FSTL5: variants seen among roughly 807,000 people sequenced by gnomAD.
The protein encoded by FSTL5 is follistatin like 5.
Under a neutral mutation model 89.1 loss-of-function variants are expected in FSTL5, and 62 were observed. That is an observed-to-expected ratio of 0.70 (90% confidence interval 0.57 to 0.86). FSTL5 has a LOEUF of 0.86. FSTL5 is among the 40% of genes least tolerant of loss of function. The pLI is 0.00. For missense variants in FSTL5, 1,057 were observed against 1,001.6 expected, an observed-to-expected ratio of 1.06 and a Z score of -0.75; for synonymous variants, 383 against 346.2, an observed-to-expected ratio of 1.11 and a Z score of -1.18.
chr4:161,390,081 C>T (rs1447810854), intron 15 of FSTL5, among the ~76,000 whole-genome samples: 9 of 152,088 alleles, frequency 5.9e-5, no homozygotes, highest in Non-Finnish European at 1.5e-5. Flanking sequence ...ATTGGTTTAT[C>T]ACCAAATATC....
intron 3 of FSTL5, among the ~76,000 whole-genome samples, chr4:162,003,499 A>C (rs1283042197): frequency 6.6e-6 from 1 of 152,328 alleles, no homozygotes; most frequent in Non-Finnish European, 1.5e-5. Context: ...AAGATAGCAC[A>C]GAAAGGAAGA....
chr4:161,977,295 G>A (rs1424834483), intron 3 of FSTL5, among the ~76,000 whole-genome samples: 1 of 152,052 alleles, frequency 6.6e-6, no homozygotes, highest in East Asian at 1.9e-4. Flanking sequence ...TTTATGTTAC[G>A]CATATTTTAC....
At chr4:161,471,628 TGTTA>T (rs1733945201) in intron 13 of FSTL5, among the ~76,000 whole-genome samples, 1 of 152,206 alleles carries the variant, frequency 6.6e-6, no homozygotes, top group South Asian at 2.1e-4. Flanking sequence ...GAAATATTGG[TGTTA>T]GTTCTCTTTG....
chr4:162,095,902 T>C (rs1216609813), intron 2 of FSTL5, among the ~76,000 whole-genome samples: 1 of 151,920 alleles, frequency 6.6e-6, no homozygotes, highest in Non-Finnish European at 1.5e-5. Flanking sequence ...AACAAGTACA[T>C]TAGAAAAATA....
At chr4:161,635,085 T>C (rs1454565468) in intron 7 of FSTL5, among the ~76,000 whole-genome samples, 1 of 152,096 alleles carries the variant, frequency 6.6e-6, no homozygotes, top group African/African-American at 2.4e-5. Flanking sequence ...AGTTTGATTT[T>C]CTCCTAAAAA....
At chr4:162,034,558 T>C (rs1737659798) in intron 2 of FSTL5, among the ~76,000 whole-genome samples, 1 of 152,110 alleles carries the variant, frequency 6.6e-6, no homozygotes, top group Non-Finnish European at 1.5e-5. Context: ...CCAAAAGAAT[T>C]AGCTTGCTTT....
intron 2 of FSTL5, among the ~76,000 whole-genome samples, chr4:162,046,103 C>T (rs1578982867): frequency 6.6e-6 from 1 of 152,104 alleles, no homozygotes; most frequent in Non-Finnish European, 1.5e-5. Flanking sequence ...AGGCTATTGA[C>T]ACACTAAATA....
At chr4:161,649,432 A>G (rs1177238828) in intron 7 of FSTL5, among the ~76,000 whole-genome samples, 1 of 152,178 alleles carries the variant, frequency 6.6e-6, no homozygotes, top group African/African-American at 2.4e-5. Context: ...GTGTCAATAA[A>G]CAAATAAATA....
chr4:161,667,588 A>G (rs80110923), intron 6 of FSTL5, among the ~76,000 whole-genome samples: 1 of 152,248 alleles, frequency 6.6e-6, no homozygotes, highest in East Asian at 1.9e-4. Flanking sequence ...TGTAGGACAT[A>G]GGTAAAAGAA....
At chr4:161,854,801 C>G (rs561033233) in intron 4 of FSTL5, among the ~76,000 whole-genome samples, 1 of 151,776 alleles carries the variant, frequency 6.6e-6, no homozygotes, top group South Asian at 2.1e-4. Context: ...ATATATATAC[C>G]TTTACTTTTT....
chr4:161,992,903 TG>T (rs1736166952), intron 3 of FSTL5, among the ~76,000 whole-genome samples: 1 of 10,420 alleles, frequency 9.6e-5, no homozygotes, highest in Non-Finnish European at 5.1e-4. Flanking sequence ...TATATGTGTG[TG>T]TATATATATA....
chr4:162,021,155 C>G (rs923839182), intron 3 of FSTL5, among the ~76,000 whole-genome samples: 1 of 152,124 alleles, frequency 6.6e-6, no homozygotes, highest in Non-Finnish European at 1.5e-5. Flanking sequence ...GAAGACAGAA[C>G]TTCCCATCTT....
At chr4:161,782,255 A>T (rs1741699087) in intron 4 of FSTL5, among the ~76,000 whole-genome samples, 1 of 152,220 alleles carries the variant, frequency 6.6e-6, no homozygotes, top group Non-Finnish European at 1.5e-5. Context: ...TTGAATAAAC[A>T]TCAAAAAGCA....
rs146558965 is a variant in FSTL5, at chr4:161,714,681, G to T, written c.727+44730C>A. ...CATACTAACCAATCTCTTCTAGAAA[G>T]AAGCAAACAGAAAAATACCAGCTCA... On this transcript the variant is annotated intron_variant, in intron 6 of 15. Coordinates refer to ENST00000306100, the MANE Select transcript of FSTL5 (RefSeq NM_020116.5). 4.8e-3 allele frequency among the ~76,000 whole-genome samples: 738 copies of T among 152,204 alleles called. 9 individuals are homozygous for T. The highest frequency in any genetic ancestry group is 0.017 in the African/African-American group (714 of 41,538).
chr4:161,642,518 A>G (rs1157834332), intron 7 of FSTL5, among the ~76,000 whole-genome samples: 1 of 152,236 alleles, frequency 6.6e-6, no homozygotes, highest in Non-Finnish European at 1.5e-5. Context: ...TAACCAAAAT[A>G]CAGCAAGATG....
intron 8 of FSTL5, among the ~76,000 whole-genome samples, chr4:161,561,670 T>C (rs1732607331): frequency 6.6e-6 from 1 of 151,996 alleles, no homozygotes; most frequent in Non-Finnish European, 1.5e-5. Flanking sequence ...GAAAAGTGTA[T>C]ACAGTATGTT....
At chr4:162,152,565 C>T (rs1286874577) in intron 1 of FSTL5, among the ~76,000 whole-genome samples, 1 of 152,032 alleles carries the variant, frequency 6.6e-6, no homozygotes, top group Non-Finnish European at 1.5e-5. Context: ...TTCATAATAA[C>T]AAACAATCAC....
rs1317066039 is a variant in FSTL5 at position 161,894,478 on chromosome 4, A to AT, written c.409+25925dup. On this transcript the variant is annotated intron_variant, in intron 4 of 15. Transcript: ENST00000306100. ...TACAGATGTTTCTTTCTCTATATATATCTTTTTTCTTTTTTCTTTTGAGAT... is the reference window on the plus strand; with the variant it reads ...TACAGATGTTTCTTTCTCTATATATATTCTTTTTTCTTTTTTCTTTTGAGAT... 5.3e-5 allele frequency among the ~76,000 whole-genome samples: 8 copies of AT among 151,658 alleles called. No individual in the cohort carries two copies. In the East Asian group the frequency reaches 5.8e-4, roughly 11 times the overall value.
At chr4:162,049,158 G>A (rs1341008957) in intron 2 of FSTL5, among the ~76,000 whole-genome samples, 2 of 152,046 alleles carry the variant, frequency 1.3e-5, no homozygotes, top group African/African-American at 4.8e-5. Context: ...TAAACCTATG[G>A]GAAGATAAAA....
Sources: allele counts gnomAD v4.1 joint callset (sites outside exome capture counted in the v4.1 genomes callset), GRCh38; gene constraint gnomAD v4.1.1; transcripts MANE v1.5; gene names NCBI Gene and HGNC (gene_info 2026-07-23, HGNC 2026-07-21).